Variants in GABRB2 observed in about 807,000 individuals in gnomAD.
GABRB2 encodes the protein gamma-aminobutyric acid type A receptor subunit beta2.
GABRB2 carries 16 observed loss-of-function variants against 54.7 expected under a neutral mutation model. That is an observed-to-expected ratio of 0.29 (90% CI 0.20 to 0.44). GABRB2 has a LOEUF of 0.44. GABRB2 is among the 20% of genes least tolerant of loss of function. The pLI is 1.00. For missense variants in GABRB2, 355 were observed against 644.0 expected, an observed-to-expected ratio of 0.55 and a Z score of 4.86; for synonymous variants, 244 against 233.8, an observed-to-expected ratio of 1.04 and a Z score of -0.40.
At chr5:161,430,874 A>G (rs1020490621) in intron 4 of GABRB2, among the ~76,000 whole-genome samples, 4 of 152,156 alleles carry the variant, frequency 2.6e-5, no homozygotes, top group Admixed American at 2.6e-4. Context: ...AGAAGTAAGA[A>G]TAGGTTATGC....
chr5:161,489,477 A>T (rs1759034707), intron 3 of GABRB2, among the ~76,000 whole-genome samples: 1 of 151,680 alleles, frequency 6.6e-6, no homozygotes. Context: ...CAAAAGACAA[A>T]CAGAGTAGAT....
chr5:161,525,227 C>G (rs915471598), intron 3 of GABRB2, among the ~76,000 whole-genome samples: 2 of 151,170 alleles, frequency 1.3e-5, no homozygotes, highest in African/African-American at 4.8e-5. Context: ...TGGCTGACCC[C>G]TGATCTAAAA....
intron 5 of GABRB2, among the ~76,000 whole-genome samples, chr5:161,355,287 T>C (rs535115692): frequency 6.7e-6 from 1 of 148,406 alleles, no homozygotes; most frequent in South Asian, 2.1e-4. Flanking sequence ...ATATATAATA[T>C]ATAGAAAATA....
intron 3 of GABRB2, among the ~76,000 whole-genome samples, chr5:161,530,450 G>A (rs1760419428): frequency 6.6e-6 from 1 of 152,028 alleles, no homozygotes; most frequent in Non-Finnish European, 1.5e-5. Context: ...GAGGTTTATG[G>A]TCTCTTAGGA....
chr5:161,317,224 G>T (rs1332367584), intron 9 of GABRB2, among the ~76,000 whole-genome samples: 1 of 152,084 alleles, frequency 6.6e-6, no homozygotes, highest in East Asian at 1.9e-4. Flanking sequence ...TGTTATTTGG[G>T]TGATGGATAA....
intron 8 of GABRB2, 80 bp from the exon 9 acceptor site, chr5:161,326,561 T>G (rs1357888568): frequency 1.4e-5 from 21 of 1,472,838 alleles, no homozygotes; most frequent in Middle Eastern, 1.8e-4. Flanking sequence ...GTAAATTGGA[T>G]ATAGATAAAT....
chr5:161,326,250 C>G (rs1758357702), intron 9 of GABRB2, 118 bp downstream of exon 9: 5 of 1,393,086 alleles, frequency 3.6e-6, no homozygotes, highest in African/African-American at 1.5e-5. Context: ...CCCCAAGACT[C>G]TGTGGATACA....
At chr5:161,381,305 T>A (rs192517504) in intron 5 of GABRB2, among the ~76,000 whole-genome samples, 6 of 152,156 alleles carry the variant, frequency 3.9e-5, no homozygotes, top group Non-Finnish European at 5.9e-5. Flanking sequence ...ATATCAGATA[T>A]TCAGTGAATG....
intron 4 of GABRB2, among the ~76,000 whole-genome samples, chr5:161,439,451 C>T (rs1468655807): frequency 1.3e-5 from 2 of 150,804 alleles, no homozygotes; most frequent in Non-Finnish European, 3.0e-5. Flanking sequence ...AAATGATCAC[C>T]TTAAGGTAAA....
chr5:161,333,648 C>A (rs916183549), intron 7 of GABRB2, among the ~76,000 whole-genome samples: 1 of 152,172 alleles, frequency 6.6e-6, no homozygotes, highest in Admixed American at 6.5e-5. Context: ...TCCTTTAGGC[C>A]TCTTTCCCTA....
chr5:161,350,744 A>G (rs1754450629), intron 5 of GABRB2, among the ~76,000 whole-genome samples: 1 of 152,154 alleles, frequency 6.6e-6, no homozygotes, highest in African/African-American at 2.4e-5. Context: ...AAAAGCAGGC[A>G]GAGGAACATG....
chr5:161,391,526 C>T (rs1371962116), intron 5 of GABRB2, among the ~76,000 whole-genome samples: 1 of 152,002 alleles, frequency 6.6e-6, no homozygotes, highest in Non-Finnish European at 1.5e-5. Flanking sequence ...TGGAATAAGG[C>T]TTTGTTCTAT....
intron 4 of GABRB2, among the ~76,000 whole-genome samples, chr5:161,456,781 A>T (rs1035619839): frequency 4.6e-5 from 7 of 152,306 alleles, no homozygotes; most frequent in Admixed American, 3.9e-4. Flanking sequence ...TTACTATTTT[A>T]AGTGTCATTT....
intron 4 of GABRB2, among the ~76,000 whole-genome samples, chr5:161,451,863 A>C (rs1015923101): frequency 1.3e-5 from 2 of 152,148 alleles, no homozygotes; most frequent in African/African-American, 4.8e-5. Context: ...AGCAAGACCA[A>C]GGTGGTGGTT....
At chr5:161,304,904 A>G (rs1757638585) in intron 9 of GABRB2, among the ~76,000 whole-genome samples, 1 of 151,818 alleles carries the variant, frequency 6.6e-6, no homozygotes, top group Non-Finnish European at 1.5e-5. Context: ...GGTTGAAAGT[A>G]GGGATTCATT....
intron 3 of GABRB2, among the ~76,000 whole-genome samples, chr5:161,482,890 C>T (rs764410708): frequency 1.3e-5 from 2 of 152,042 alleles, no homozygotes; most frequent in Non-Finnish European, 2.9e-5. Flanking sequence ...ATATTTCCTA[C>T]CTGTCTGTGC....
At chr5:161,508,195 T>G (rs1759666743) in intron 3 of GABRB2, among the ~76,000 whole-genome samples, 1 of 151,468 alleles carries the variant, frequency 6.6e-6, no homozygotes, top group Non-Finnish European at 1.5e-5. Context: ...CCTCACTAAA[T>G]CTCTACCTAG....
At chr5:161,325,618 AAACACTGGAGTTG>A (rs1758339419) in intron 9 of GABRB2, among the ~76,000 whole-genome samples, 1 of 152,132 alleles carries the variant, frequency 6.6e-6, no homozygotes, top group Non-Finnish European at 1.5e-5. Flanking sequence ...ATCATTTGCT[AAACACTGGAGTTG>A]AACAAGTAGT....
chr5:161,472,297 G>A (rs554925683), intron 3 of GABRB2, among the ~76,000 whole-genome samples: 2 of 151,720 alleles, frequency 1.3e-5, no homozygotes, highest in African/African-American at 4.8e-5. Context: ...CCATTAGCCC[G>A]TGTTCTTAGT....
Sources: allele counts gnomAD v4.1 joint callset (sites outside exome capture counted in the v4.1 genomes callset), GRCh38; gene constraint gnomAD v4.1.1; transcripts MANE v1.5; gene names NCBI Gene and HGNC (gene_info 2026-07-23, HGNC 2026-07-21).